C12orf42: variants seen among roughly 807,000 people sequenced by gnomAD.
C12orf42 encodes the protein uncharacterized protein C12orf42.
C12orf42 carries 25 observed loss-of-function variants against 21.6 expected under a neutral mutation model. The observed-to-expected ratio is 1.16, with a 90% CI of 0.84 to 1.62. C12orf42 has a LOEUF of 1.62. Among genes scored for constraint, C12orf42 ranks in the 40% most tolerant of loss-of-function variants. C12orf42 has a pLI of 0.00. For synonymous variants in C12orf42, 174 were observed against 175.0 expected, an observed-to-expected ratio of 0.99 and a Z score of 0.05; for missense variants, 483 against 459.3, an observed-to-expected ratio of 1.05 and a Z score of -0.47.
the C12orf42 span, among the ~76,000 whole-genome samples, chr12:103,137,849 T>A: frequency 6.6e-6 from 1 of 152,074 alleles, no homozygotes; most frequent in African/African-American, 2.4e-5. Flanking sequence ...AGTAGAATGA[T>A]AGACATGAGA....
At chr12:103,365,693 A>C (rs2044536621) in intron 4 of C12orf42, among the ~76,000 whole-genome samples, 1 of 151,912 alleles carries the variant, frequency 6.6e-6, no homozygotes, top group African/African-American at 2.4e-5. Flanking sequence ...TGACCAAGCT[A>C]AGAATCAAAT....
chr12:103,461,336 A>T (rs1269164136), intron 2 of C12orf42, among the ~76,000 whole-genome samples: 5 of 152,156 alleles, frequency 3.3e-5, no homozygotes, highest in Non-Finnish European at 7.4e-5. Context: ...CCCTAACAAC[A>T]TAATCCTGCA....
chr12:103,278,423 G>C (rs541482904), intron 4 of C12orf42, among the ~76,000 whole-genome samples: 4 of 152,324 alleles, frequency 2.6e-5, no homozygotes, highest in African/African-American at 9.6e-5. Context: ...TGCAAACTGA[G>C]CATTCAGTGA....
At chr12:103,331,733 C>T (rs528807177) in intron 4 of C12orf42, among the ~76,000 whole-genome samples, 8 of 152,200 alleles carry the variant, frequency 5.3e-5, no homozygotes, top group South Asian at 2.1e-4. Flanking sequence ...CCACGCAGCG[C>T]GGCAGCCGGA....
At chr12:103,183,462 T>G in the C12orf42 span, among the ~76,000 whole-genome samples, 1 of 152,226 alleles carries the variant, frequency 6.6e-6, no homozygotes, top group Non-Finnish European at 1.5e-5. Flanking sequence ...ATCTTTATTT[T>G]TATTTTGTCA....
rs534388683 is a variant in C12orf42 at position 103,375,381 on chromosome 12, G to A, written c.148-6383C>T. On this transcript the variant is annotated intron_variant, in intron 3 of 5. Coordinates refer to ENST00000548883, the MANE Select transcript of C12orf42 (RefSeq NM_198521.5). The stretch of plus-strand genomic sequence containing the variant: ...ATGTATCCCAGTGTTGTTGGAGTCT[G>A]TAAAATACTCAACAGTTTTAGGGAC... 2.0e-5 allele frequency among the ~76,000 whole-genome samples: 3 copies of A among 152,286 alleles called. No homozygotes were observed. The East Asian group carries it at 5.8e-4, about 29-fold the overall frequency.
chr12:103,450,962 T>G, intron 2 of C12orf42, among the ~76,000 whole-genome samples: 1 of 152,150 alleles, frequency 6.6e-6, no homozygotes, highest in East Asian at 1.9e-4. Context: ...CTGGACCTTT[T>G]ATACATCTGA....
chr12:103,327,828 A>G (rs1241352542), intron 4 of C12orf42, among the ~76,000 whole-genome samples: 1 of 152,232 alleles, frequency 6.6e-6, no homozygotes, highest in Non-Finnish European at 1.5e-5. Flanking sequence ...GACATTTTCA[A>G]CACTAGAAAT....
At chr12:103,098,601 G>T in the C12orf42 span, among the ~76,000 whole-genome samples, 5 of 152,292 alleles carry the variant, frequency 3.3e-5, no homozygotes, top group Admixed American at 6.5e-5. Context: ...AGAAGCAAGG[G>T]TCATTTGCTT....
intron 2 of C12orf42, among the ~76,000 whole-genome samples, chr12:103,449,414 C>A (rs1951798344): frequency 2.2e-5 from 2 of 92,700 alleles, no homozygotes; most frequent in African/African-American, 5.7e-5. Context: ...GATGGATGCA[C>A]CAAAATCTCA....
At chr12:103,395,244 AT>A (rs1430928145) in intron 3 of C12orf42, among the ~76,000 whole-genome samples, 9 of 152,218 alleles carry the variant, frequency 5.9e-5, no homozygotes, top group African/African-American at 2.2e-4. Context: ...AGTAAAAAGA[AT>A]GATGATCTCA....
the C12orf42 span, among the ~76,000 whole-genome samples, chr12:103,142,612 C>T: frequency 3.9e-5 from 6 of 152,100 alleles, no homozygotes; most frequent in African/African-American, 7.2e-5. Flanking sequence ...TTTTACCCAC[C>T]TCTTTGAACT....
chr12:103,155,377 A>T, the C12orf42 span: 7 of 152,194 alleles, frequency 4.6e-5, no homozygotes, highest in African/African-American at 1.7e-4. Flanking sequence ...AATATTTACA[A>T]ATTTGTCAAT....
At chr12:103,303,234 A>C (rs574575406) in intron 5 of C12orf42, among the ~76,000 whole-genome samples, 16 of 152,240 alleles carry the variant, frequency 1.1e-4, no homozygotes, top group Middle Eastern at 3.4e-3. Context: ...CAAGACTGCT[A>C]TATGTGTGTG....
chr12:103,099,517 G>A, the C12orf42 span, among the ~76,000 whole-genome samples: 2 of 152,198 alleles, frequency 1.3e-5, no homozygotes, highest in African/African-American at 4.8e-5. Flanking sequence ...GTGAGCTAAG[G>A]AGTTAAGAAT....
chr12:103,144,519 G>T, the C12orf42 span, among the ~76,000 whole-genome samples: 7 of 152,212 alleles, frequency 4.6e-5, no homozygotes, highest in Non-Finnish European at 7.3e-5. Flanking sequence ...ACAGTTTTCT[G>T]ATGCCGCCGT....
At chr12:103,475,320 T>A (rs1182208264) in intron 2 of C12orf42, among the ~76,000 whole-genome samples, 2 of 152,256 alleles carry the variant, frequency 1.3e-5, no homozygotes. Flanking sequence ...GTCAATGTTC[T>A]AGTCAAACAT....
intron 10 of C12orf42, among the ~76,000 whole-genome samples, chr12:103,255,602 C>G (rs1229271019): frequency 6.6e-6 from 1 of 151,730 alleles, no homozygotes; most frequent in Non-Finnish European, 1.5e-5. Flanking sequence ...CTTTTTCTTT[C>G]TTTTTAAAAA....
At chr12:103,366,155 A>T (rs115170060) in intron 4 of C12orf42, among the ~76,000 whole-genome samples, 2,805 of 152,002 alleles carry the variant, frequency 0.018, 109 homozygotes, top group African/African-American at 0.064. Flanking sequence ...CCAGAGATAA[A>T]CCTAAATACT....
Sources: gnomAD v4.1 joint callset for allele counts (sites outside exome capture counted in the v4.1 genomes callset) on GRCh38, gnomAD v4.1.1 for gene constraint, MANE v1.5 for transcripts, NCBI Gene and HGNC (gene_info 2026-07-23, HGNC 2026-07-21) for gene names.